CFAP52: variants seen among roughly 807,000 people sequenced by gnomAD.
The protein encoded by CFAP52 is cilia- and flagella-associated protein 52.
CFAP52 carries 57 observed loss-of-function variants against 70.5 expected under a neutral mutation model. That is an observed-to-expected ratio of 0.81 (90% confidence interval 0.65 to 1.01). The LOEUF is 1.01. Ranked by LOEUF, CFAP52 falls within the 50% of genes least tolerant of loss-of-function variation. The pLI is 0.00. For missense variants in CFAP52, 785 were observed against 788.5 expected (o/e 1.00, Z 0.05); for synonymous variants, 267 against 292.5 (o/e 0.91, Z 0.89).
chr17:9,586,654 T>G, intron 2 of CFAP52, 44 bp from the exon 3 acceptor site: 1 of 1,555,432 alleles, frequency 6.4e-7, no homozygotes, highest in African/African-American at 1.4e-5. Context: ...CCTCAGATGC[T>G]TTTAATGCCT....
intron 6 of CFAP52, among the ~76,000 whole-genome samples, chr17:9,602,747 T>A (rs1199246245): frequency 1.3e-5 from 2 of 152,222 alleles, no homozygotes; most frequent in African/African-American, 4.8e-5. Flanking sequence ...GTAAAAGTGT[T>A]CCTATTTCTC....
rs1208500909 is a variant in CFAP52, at chr17:9,615,470, TAA to T, written c.1025+2992_1025+2993del. Among the ~76,000 whole-genome samples, 5 of 152,222 alleles carry T rather than the reference TAA, an allele frequency of 3.3e-5. No homozygotes were observed. In the South Asian group the frequency reaches 8.3e-4, roughly 25 times the overall value. On this transcript the variant is annotated intron_variant, in intron 8 of 13. Coordinates refer to ENST00000352665, the MANE Select transcript of CFAP52 (RefSeq NM_145054.5). The stretch of plus-strand genomic sequence containing the variant: ...TTCATTCATAAGTATTACTATCTGA[TAA>T]GTTTATATATTTTTCTGTTTAACAT...
At position 9,624,312 on chromosome 17, in the gene CFAP52, A is replaced by G. The variant is rs191401020; in HGVS notation, c.1026-4360A>G. On this transcript the variant is annotated intron_variant, in intron 8 of 13. Coordinates refer to ENST00000352665, the MANE Select transcript of CFAP52 (RefSeq NM_145054.5). The stretch of plus-strand genomic sequence containing the variant: ...GAGATTTGAATTATCTGTGTTTAGT[A>G]ATTTGAGATTTTCCTACAGATCTTT... 1.4e-4 allele frequency among the ~76,000 whole-genome samples: 21 copies of G among 152,136 alleles called. No individual in the cohort carries two copies. In the East Asian group the frequency reaches 1.9e-3, roughly 14 times the overall value.
At chr17:9,625,490 C>T (rs1227312167) in intron 8 of CFAP52, among the ~76,000 whole-genome samples, 1 of 151,836 alleles carries the variant, frequency 6.6e-6, no homozygotes, top group Non-Finnish European at 1.5e-5. Context: ...CCAGAATTTA[C>T]ATCTTATTCT....
chr17:9,576,879 G>T, intron 1 of CFAP52, 114 bp downstream of exon 1: 1 of 1,167,904 alleles, frequency 8.6e-7, no homozygotes. Context: ...GACAACGGCA[G>T]GAGCCCTGGC....
intron 1 of CFAP52, among the ~76,000 whole-genome samples, chr17:9,583,734 G>A (rs1406300984): frequency 6.6e-6 from 1 of 152,072 alleles, no homozygotes; most frequent in Non-Finnish European, 1.5e-5. Context: ...AAATAAACAC[G>A]AAGAGCAATC....
intron 3 of CFAP52, 29 bp from the exon 4 acceptor site, chr17:9,594,164 T>C (rs1210740339): frequency 1.3e-6 from 2 of 1,540,020 alleles, no homozygotes; most frequent in South Asian, 2.4e-5. Flanking sequence ...TCTTTGACTT[T>C]TTTTTTTTGG....
At chr17:9,587,065 T>C (rs958658786) in intron 3 of CFAP52, among the ~76,000 whole-genome samples, 11 of 152,110 alleles carry the variant, frequency 7.2e-5, no homozygotes, top group Admixed American at 1.3e-4. Context: ...TTCCCTTCTA[T>C]GTGTTCATGT....
chr17:9,631,066 G>GAAAGAAAGA (rs1349103027), intron 9 of CFAP52, among the ~76,000 whole-genome samples: 2 of 123,200 alleles, frequency 1.6e-5, no homozygotes, highest in Non-Finnish European at 3.3e-5. Context: ...AAGAAAGAAA[G>GAAAGAAAGA]AAAGAAAGAA....
downstream of CFAP52, among the ~76,000 whole-genome samples, chr17:9,644,366 A>G (rs1231323353): frequency 6.6e-6 from 1 of 152,164 alleles, no homozygotes; most frequent in Non-Finnish European, 1.5e-5. Context: ...CGGCCTCCCA[A>G]GGTGCTGGGA....
chr17:9,586,795 A>C lies in CFAP52; in HGVS notation c.368A>C (p.Asp123Ala). The change falls in exon 3 of 14, where the codon GAT (aspartate) becomes GCT (alanine). Residue 123 changes from aspartate to alanine, a missense_variant. By Grantham distance (126) the Asp-to-Ala change is moderately radical. Coordinates refer to ENST00000352665, the MANE Select transcript of CFAP52 (RefSeq NM_145054.5). ...GAAGCTCTGGCCTTTTCTCCAAATG[A>C]TTTGTACTTGGTATCACTAGGAGGC... ...KIEALAFSPN[D>A]LYLVSLGGPD... The C allele has an allele frequency of 6.2e-7, 1 of 1,613,356 alleles. No individual in the cohort carries two copies. The highest frequency in any genetic ancestry group is 8.5e-7 in the Non-Finnish European group (1 of 1,179,780).
intron 4 of CFAP52, among the ~76,000 whole-genome samples, chr17:9,595,230 T>TGG (rs1193473034): frequency 5.9e-5 from 9 of 152,204 alleles, no homozygotes; most frequent in African/African-American, 9.6e-5. Context: ...AATACAGAGT[T>TGG]GAAGTATGTG....
intron 1 of CFAP52, among the ~76,000 whole-genome samples, chr17:9,578,700 C>T (rs1264813283): frequency 6.6e-6 from 1 of 152,134 alleles, no homozygotes; most frequent in African/African-American, 2.4e-5. Flanking sequence ...CACCCACCAC[C>T]ACGCCTGGCT....
intron 3 of CFAP52, among the ~76,000 whole-genome samples, chr17:9,592,234 G>A (rs897019661): frequency 3.9e-5 from 6 of 152,048 alleles, no homozygotes; most frequent in South Asian, 2.1e-4. Context: ...AGGCTGAGGC[G>A]GGTGGATCGC....
At chr17:9,580,800 T>G (rs1180619953) in intron 1 of CFAP52, among the ~76,000 whole-genome samples, 1 of 151,906 alleles carries the variant, frequency 6.6e-6, no homozygotes, top group Non-Finnish European at 1.5e-5. Flanking sequence ...TAAGAAATGG[T>G]TCTCAATTAC....
chr17:9,637,993 T>C (rs542633582), intron 11 of CFAP52, among the ~76,000 whole-genome samples: 1 of 152,324 alleles, frequency 6.6e-6, no homozygotes, highest in East Asian at 1.9e-4. Context: ...GAGGGACTTC[T>C]TACCATATGC....
chr17:9,581,495 A>T (rs1873936356), intron 1 of CFAP52, among the ~76,000 whole-genome samples: 1 of 150,594 alleles, frequency 6.6e-6, no homozygotes, highest in Non-Finnish European at 1.5e-5. Context: ...AGCCTATTAC[A>T]GTTTAAAGTG....
chr17:9,584,747 G>C (rs1026713567), intron 1 of CFAP52, among the ~76,000 whole-genome samples: 1 of 151,826 alleles, frequency 6.6e-6, no homozygotes, highest in Non-Finnish European at 1.5e-5. Context: ...TCAGCCTCCC[G>C]AGTAGCTGGG....
At chr17:9,589,109 A>G (rs1908628278) in intron 3 of CFAP52, among the ~76,000 whole-genome samples, 2 of 152,206 alleles carry the variant, frequency 1.3e-5, no homozygotes, top group Non-Finnish European at 2.9e-5. Flanking sequence ...CTGAAAATAA[A>G]TAAATAAACA....
Sources: gnomAD v4.1 joint callset for allele counts (sites outside exome capture counted in the v4.1 genomes callset) on GRCh38, gnomAD v4.1.1 for gene constraint, MANE v1.5 for transcripts, NCBI Gene and HGNC (gene_info 2026-07-23, HGNC 2026-07-21) for gene names.